KCNJ15: variants seen among roughly 807,000 people sequenced by gnomAD.
KCNJ15 encodes ATP-sensitive inward rectifier potassium channel 15.
In KCNJ15, 14 loss-of-function variants were observed where a neutral mutation model predicts 23.0. That is an observed-to-expected ratio of 0.61 (90% CI 0.40 to 0.95). The LOEUF is 0.95. KCNJ15 is among the 40% of genes least tolerant of loss of function. The probability of loss-of-function intolerance (pLI) is 0.00; values close to 1 mark genes in which losing one functional copy is unlikely to be tolerated. For missense variants in KCNJ15, 388 were observed against 461.8 expected (o/e 0.84, Z 1.46); for synonymous variants, 185 against 183.2 (o/e 1.01, Z -0.08).
intron 1 of KCNJ15, among the ~76,000 whole-genome samples, chr21:38,276,147 A>G (rs770552720): frequency 6.6e-5 from 10 of 152,008 alleles, no homozygotes; most frequent in Admixed American, 1.3e-4. Context: ...TCTGCTTGGC[A>G]TGATAACAAT....
intron 1 of KCNJ15, among the ~76,000 whole-genome samples, chr21:38,243,534 G>A (rs1481673717): frequency 2.0e-5 from 3 of 152,106 alleles, no homozygotes; most frequent in Admixed American, 2.0e-4. Context: ...CTATTCTCCT[G>A]CCTCAGCCTC....
chr21:38,281,193 C>T (rs191806248), intron 1 of KCNJ15, among the ~76,000 whole-genome samples: 74 of 152,274 alleles, frequency 4.9e-4, no homozygotes, highest in African/African-American at 1.5e-3. Flanking sequence ...TATAGCCTCT[C>T]GCAGCACACA....
At chr21:38,248,830 AC>A (rs1315905382) in intron 1 of KCNJ15, among the ~76,000 whole-genome samples, 8 of 152,170 alleles carry the variant, frequency 5.3e-5, no homozygotes, top group African/African-American at 1.9e-4. Flanking sequence ...TTTGCCCCTC[AC>A]CATGGAGCTG....
At chr21:38,256,590 G>A (rs1200334342), upstream of KCNJ15, 2 of 151,876 alleles carry the variant, frequency 1.3e-5, no homozygotes, top group Admixed American at 1.3e-4. Flanking sequence ...GAAAACATGG[G>A]ATAAAGGAGA....
At chr21:38,253,416 TC>T (rs1306510899), upstream of KCNJ15, among the ~76,000 whole-genome samples, 1 of 152,128 alleles carries the variant, frequency 6.6e-6, no homozygotes, top group Non-Finnish European at 1.5e-5. Flanking sequence ...TTCCAAGGAA[TC>T]ATTTTCAATG....
intron 1 of KCNJ15, among the ~76,000 whole-genome samples, chr21:38,279,123 A>T (rs1983052275): frequency 6.6e-6 from 1 of 152,134 alleles, no homozygotes; most frequent in Non-Finnish European, 1.5e-5. Context: ...GCTTCAAGGG[A>T]TGTTGGGGTA....
intron 1 of KCNJ15, among the ~76,000 whole-genome samples, chr21:38,292,569 T>C (rs1260715384): frequency 2.6e-5 from 4 of 152,250 alleles, no homozygotes; most frequent in Non-Finnish European, 5.9e-5. Context: ...ATGTTGTTCT[T>C]AGGGATAAGG....
At chr21:38,247,980 C>T (rs927316405) in intron 1 of KCNJ15, among the ~76,000 whole-genome samples, 7 of 152,242 alleles carry the variant, frequency 4.6e-5, no homozygotes, top group African/African-American at 1.7e-4. Context: ...ACTCAGTGAA[C>T]TGACAAGTGT....
chr21:38,258,292 A>G (rs1980488581), intron 1 of KCNJ15, among the ~76,000 whole-genome samples: 1 of 152,258 alleles, frequency 6.6e-6, no homozygotes, highest in Non-Finnish European at 1.5e-5. Flanking sequence ...TCAAAAGAAA[A>G]GTGTCCCATA....
intron 1 of KCNJ15, among the ~76,000 whole-genome samples, chr21:38,265,289 C>T (rs1260424502): frequency 3.9e-5 from 6 of 152,254 alleles, no homozygotes; most frequent in Admixed American, 6.5e-5. Context: ...TACAATCAAG[C>T]GAATTTCATT....
chr21:38,297,241 C>A (rs1291994323), intron 2 of KCNJ15, among the ~76,000 whole-genome samples: 1 of 152,092 alleles, frequency 6.6e-6, no homozygotes, highest in Non-Finnish European at 1.5e-5. Flanking sequence ...ACTATATACA[C>A]AGGACTGCAG....
rs538830294 is a variant in KCNJ15, at chr21:38,299,372, C to T, written c.111C>T (p.Asn37=). The T allele has an allele frequency of 1.1e-5, 17 of 1,614,204 alleles. No homozygotes were observed. Among genetic ancestry groups the T allele is most frequent in the Middle Eastern group, 3.3e-4 (2 of 6,062 alleles). The change falls in exon 3 of 3, where the codon AAC becomes AAT. Residue 37 remains asparagine (N), a synonymous_variant. Transcript: ENST00000398938. The surrounding 1 kb of genome is among the most constrained non-coding windows in gnomAD (Gnocchi z 4.5). ...PRVMSKSGHS[N]VRIDKVDGIY... Reference sequence around the variant, plus strand: ...TCATGTCCAAGAGTGGGCACAGCAACGTGAGAATTGACAAAGTGGATGGCA... The same window carrying T: ...TCATGTCCAAGAGTGGGCACAGCAATGTGAGAATTGACAAAGTGGATGGCA...
intron 1 of KCNJ15, among the ~76,000 whole-genome samples, chr21:38,246,882 A>G (rs1001204710): frequency 1.3e-5 from 2 of 152,272 alleles, no homozygotes; most frequent in Non-Finnish European, 2.9e-5. Context: ...ATTGAGAACC[A>G]CACTTGAACT....
chr21:38,256,306 G>A (rs541933262), upstream of KCNJ15, among the ~76,000 whole-genome samples: 15 of 147,616 alleles, frequency 1.0e-4, no homozygotes, highest in South Asian at 1.1e-3. Flanking sequence ...CATGTATCCC[G>A]AAGCCCAATT....
In KCNJ15 at chr21:38,250,096, C is replaced by T. The variant is rs144673383; in HGVS notation, c.-398-6950C>T. 1.8e-3 allele frequency among the ~76,000 whole-genome samples: 279 copies of T among 152,298 alleles called. 2 individuals are homozygous for T. The highest frequency in any genetic ancestry group is 6.3e-3 in the African/African-American group (262 of 41,558). ...TTCACTTTACGTAACTTAGCCAATT[C>T]GCATTGCTCAGTTTTTCCACAATAA... On this transcript the variant is annotated intron_variant, in intron 1 of 4. Coordinates refer to the KCNJ15 transcript ENST00000547341.
In KCNJ15 at chr21:38,299,278, T is replaced by C; in HGVS notation, c.17T>C (p.Ile6Thr). Reference protein sequence around the residue: MDAIHIGMSSTPLVKH... With the variant: MDAIHTGMSSTPLVKH... ...AGCCTGGCAATGGATGCCATTCACATCGGCATGTCCAGCACCCCCCTGGTG... is the reference window on the plus strand; with the variant it reads ...AGCCTGGCAATGGATGCCATTCACACCGGCATGTCCAGCACCCCCCTGGTG... The change falls in exon 3 of 3, where the codon ATC becomes ACC. Residue 6 changes from isoleucine (I) to threonine (T), a missense_variant. By Grantham distance (89) the Ile-to-Thr change is moderately conservative (BLOSUM62 -1). Transcript: ENST00000398938. The surrounding 1 kb of genome is among the most constrained non-coding windows in gnomAD (Gnocchi z 4.5). 6.2e-7 allele frequency: 1 copy of C among 1,612,386 alleles called. No homozygotes were observed. The highest frequency in any genetic ancestry group is 2.2e-5 in the East Asian group (1 of 44,856).
chr21:38,247,371 T>C (rs568572981), intron 1 of KCNJ15, among the ~76,000 whole-genome samples: 1 of 152,062 alleles, frequency 6.6e-6, no homozygotes, highest in South Asian at 2.1e-4. Context: ...GATGGATGGA[T>C]GGATGGATGA....
At chr21:38,269,245 A>T (rs1230285074) in intron 1 of KCNJ15, among the ~76,000 whole-genome samples, 1 of 152,216 alleles carries the variant, frequency 6.6e-6, no homozygotes, top group African/African-American at 2.4e-5. Context: ...ACAAAACAAA[A>T]CAAAACTTAC....
chr21:38,275,439 T>C (rs1043778670), intron 1 of KCNJ15, among the ~76,000 whole-genome samples: 1 of 149,366 alleles, frequency 6.7e-6, no homozygotes, highest in Non-Finnish European at 1.5e-5. Flanking sequence ...TGAGAATTGC[T>C]TGAACCGGGG....
Sources: allele counts gnomAD v4.1 joint callset (sites outside exome capture counted in the v4.1 genomes callset), GRCh38; gene constraint gnomAD v4.1.1; non-coding constraint Gnocchi (gnomAD v3.1); transcripts MANE v1.5; gene names NCBI Gene and HGNC (gene_info 2026-07-23, HGNC 2026-07-21).